Variants in TRPM6 observed in about 807,000 individuals in gnomAD.
TRPM6 encodes transient receptor potential cation channel subfamily M member 6.
In TRPM6, 111 loss-of-function variants were observed where a neutral mutation model predicts 247.6. That is an observed-to-expected ratio of 0.45 (90% CI 0.38 to 0.52). The LOEUF (loss-of-function observed/expected upper bound fraction) is 0.52. Ranked by LOEUF, TRPM6 falls within the 20% of genes least tolerant of loss-of-function variation. The probability of loss-of-function intolerance (pLI) is 0.00; values close to 1 mark genes in which losing one functional copy is unlikely to be tolerated. For missense variants in TRPM6, 2,126 were observed against 2,421.5 expected (o/e 0.88, Z 2.56); for synonymous variants, 892 against 853.8 (o/e 1.04, Z -0.78).
intron 3 of TRPM6, among the ~76,000 whole-genome samples, chr9:74,851,780 C>CAT (rs200109350): frequency 0.16 from 22,996 of 144,558 alleles, 2,008 homozygotes; most frequent in East Asian, 0.28. Flanking sequence ...ATATATAATA[C>CAT]ATATATATAT....
intron 35 of TRPM6, 101 bp downstream of exon 35, chr9:74,739,266 G>C: frequency 8.7e-7 from 1 of 1,148,470 alleles, no homozygotes; most frequent in Non-Finnish European, 1.3e-6. Context: ...AGATCATGGG[G>C]AATTTCCCCA....
intron 8 of TRPM6, 57 bp from the exon 9 acceptor site, chr9:74,820,484 A>G: frequency 6.2e-7 from 1 of 1,609,826 alleles, no homozygotes; most frequent in Non-Finnish European, 8.5e-7. Context: ...AGCCGGCAAC[A>G]TCAGTACAAG....
chr9:74,878,734 G>C (rs1444657289), intron 1 of TRPM6, among the ~76,000 whole-genome samples: 2 of 152,152 alleles, frequency 1.3e-5, no homozygotes, highest in East Asian at 3.8e-4. Context: ...AAGGAAATAT[G>C]ATACCTCCAA....
chr9:74,727,305 C>T (rs1825363127), intron 38 of TRPM6, among the ~76,000 whole-genome samples: 1 of 151,070 alleles, frequency 6.6e-6, no homozygotes, highest in Non-Finnish European at 1.5e-5. Flanking sequence ...TCGCTTGAAC[C>T]CGGTAGGCGG....
intron 1 of TRPM6, among the ~76,000 whole-genome samples, chr9:74,871,827 G>A (rs2118464294): frequency 6.6e-6 from 1 of 151,154 alleles, no homozygotes; most frequent in South Asian, 2.1e-4. Flanking sequence ...TTACAAGCAT[G>A]TGCGACCATA....
At chr9:74,728,489 A>G (rs1043914424) in intron 37 of TRPM6, 144 bp from the exon 38 acceptor site, 3 of 683,426 alleles carry the variant, frequency 4.4e-6, no homozygotes, top group African/African-American at 3.6e-5. Flanking sequence ...TGGGGAAACA[A>G]CAATGTTAGG....
intron 8 of TRPM6, among the ~76,000 whole-genome samples, chr9:74,821,162 C>T (rs958624518): frequency 1.3e-5 from 2 of 152,304 alleles, no homozygotes; most frequent in African/African-American, 2.4e-5. Context: ...GGAAGAACCA[C>T]ACTGGCTAGA....
Position 74,796,911 on chromosome 9 carries a change from G to A in TRPM6, c.2239-18C>T, listed in dbSNP as rs774274787. 1.7e-5 allele frequency: 28 copies of A among 1,605,076 alleles called. No homozygotes were observed. The East Asian group carries it at 6.3e-4, about 36-fold the overall frequency. The stretch of plus-strand genomic sequence containing the variant: ...ATAATAATCTGTAAAAGAAAAAAAA[G>A]CAAAACAAAGTAGTAGGGACTACAA... On this transcript the variant is annotated intron_variant, in intron 17 of 38. Coordinates refer to ENST00000360774, the MANE Select transcript of TRPM6 (RefSeq NM_017662.5).
rs1564042572 is a variant in TRPM6 at position 74,842,111 on chromosome 9, C to CA, written c.330+54_330+55insT. On this transcript the variant is annotated intron_variant, in intron 4 of 38. Coordinates refer to ENST00000360774, the MANE Select transcript of TRPM6 (RefSeq NM_017662.5). ...GGGCAACAAGAGCAAAACCCCGTCTCGAAAAAAAAAAAAAAAGAAAGAAAC... is the reference window on the plus strand; with the variant it reads ...GGGCAACAAGAGCAAAACCCCGTCTCAGAAAAAAAAAAAAAAAGAAAGAAAC... 3.5e-6 allele frequency: 5 copies of CA among 1,413,110 alleles called. No homozygotes were observed. The African/African-American group carries it at 4.5e-5, about 13-fold the overall frequency. 87.5% of individuals were successfully genotyped at this position (1,413,110 alleles called of 1,614,324 possible).
intron 13 of TRPM6, among the ~76,000 whole-genome samples, chr9:74,809,390 C>T (rs151142705): frequency 9.9e-5 from 15 of 152,018 alleles, no homozygotes; most frequent in South Asian, 4.2e-4. Context: ...ACAAGGTCTC[C>T]GAAATGAAGA....
At chr9:74,750,802 G>A (rs951046607) in intron 29 of TRPM6, 80 bp from the exon 30 acceptor site, 20 of 1,239,724 alleles carry the variant, frequency 1.6e-5, no homozygotes, top group Admixed American at 1.4e-4. Context: ...TGCCAAACAC[G>A]CTCCTTGGAG....
At chr9:74,736,547 T>C (rs972382365) in intron 36 of TRPM6, among the ~76,000 whole-genome samples, 1 of 152,240 alleles carries the variant, frequency 6.6e-6, no homozygotes, top group African/African-American at 2.4e-5. Flanking sequence ...TAGTAAATGT[T>C]AGCTAGTAGT....
At chr9:74,815,821 T>C (rs74698012) in intron 11 of TRPM6, among the ~76,000 whole-genome samples, 6,599 of 152,296 alleles carry the variant, frequency 0.043, 464 homozygotes, top group African/African-American at 0.15. Flanking sequence ...TTTAATATCA[T>C]TTGATATTTT....
chr9:74,773,629 G>A (rs1344709643), intron 24 of TRPM6, among the ~76,000 whole-genome samples: 1 of 152,136 alleles, frequency 6.6e-6, no homozygotes, highest in Admixed American at 6.6e-5. Context: ...AAGTGATGCT[G>A]CTAAAAGGAT....
rs183112670 is a variant in TRPM6 at position 74,862,538 on chromosome 9, G to C, written c.34-3790C>G. ...TATCTAATCTTTGGCCTGAGGTCAGGCTGGGGAATTGCAAAGAAATGTTCA... is the reference window on the plus strand; with the variant it reads ...TATCTAATCTTTGGCCTGAGGTCAGCCTGGGGAATTGCAAAGAAATGTTCA... On this transcript the variant is annotated intron_variant, in intron 1 of 38. Coordinates refer to ENST00000360774, the MANE Select transcript of TRPM6 (RefSeq NM_017662.5). Among the ~76,000 whole-genome samples, 12 of 152,314 alleles carry C rather than the reference G, an allele frequency of 7.9e-5. No homozygotes were observed. In the East Asian group the frequency reaches 1.7e-3, roughly 22 times the overall value.
chr9:74,807,884 A>G (rs573827760), intron 14 of TRPM6, 150 bp downstream of exon 14: 4 of 881,308 alleles, frequency 4.5e-6, no homozygotes, highest in African/African-American at 3.3e-5. Context: ...CACTTAGTAC[A>G]GTATACTTCA....
At chr9:74,822,515 A>C (rs1587544584) in intron 7 of TRPM6, among the ~76,000 whole-genome samples, 1 of 151,516 alleles carries the variant, frequency 6.6e-6, no homozygotes, top group East Asian at 1.9e-4. Flanking sequence ...TCAGCCTCCC[A>C]AAGTCTTGGA....
intron 5 of TRPM6, among the ~76,000 whole-genome samples, 163 bp from the exon 6 acceptor site, chr9:74,834,285 T>C (rs1829643925): frequency 6.6e-6 from 1 of 152,156 alleles, no homozygotes; most frequent in Non-Finnish European, 1.5e-5. Context: ...GCTTCCTCTA[T>C]TCTTTCTAGA....
chr9:74,783,480 G>T (rs1827535148), intron 21 of TRPM6, among the ~76,000 whole-genome samples: 1 of 152,164 alleles, frequency 6.6e-6, no homozygotes, highest in Admixed American at 6.5e-5. Flanking sequence ...GGCACTTCTT[G>T]TCCAGAGCAG....
Sources: gnomAD v4.1 joint callset for allele counts (sites outside exome capture counted in the v4.1 genomes callset) on GRCh38, gnomAD v4.1.1 for gene constraint, MANE v1.5 for transcripts, NCBI Gene and HGNC (gene_info 2026-07-23, HGNC 2026-07-21) for gene names.